The following DNER variants were observed in gnomAD, a reference collection of about 807,000 sequenced individuals.
DNER encodes delta and Notch-like epidermal growth factor-related receptor.
In DNER, 33 loss-of-function variants were observed where a neutral mutation model predicts 78.2. That is an observed-to-expected ratio of 0.42 (90% CI 0.32 to 0.56). The LOEUF is 0.56. DNER is among the 20% of genes least tolerant of loss of function. DNER has a pLI of 0.11. For synonymous variants in DNER, 417 were observed against 384.8 expected, an observed-to-expected ratio of 1.08 and a Z score of -0.98; for missense variants, 918 against 975.3, an observed-to-expected ratio of 0.94 and a Z score of 0.78.
chr2:229,453,937 A>AG (rs1347498234), intron 7 of DNER, among the ~76,000 whole-genome samples: 5 of 150,222 alleles, frequency 3.3e-5, no homozygotes, highest in South Asian at 2.1e-4. Context: ...AAAAAAAAAA[A>AG]AAAAAGAAAG....
intron 5 of DNER, among the ~76,000 whole-genome samples, chr2:229,529,805 C>T (rs190886851): frequency 2.0e-5 from 3 of 152,234 alleles, no homozygotes; most frequent in Admixed American, 6.5e-5. Flanking sequence ...CCCAGAAGTT[C>T]GAGACCAGCC....
At chr2:229,384,647 A>G (rs1197169776) in intron 11 of DNER, among the ~76,000 whole-genome samples, 1 of 152,204 alleles carries the variant, frequency 6.6e-6, no homozygotes. Flanking sequence ...ATGCAAATAA[A>G]CTAGAAAATC....
At chr2:229,481,899 T>C (rs12464761) in intron 6 of DNER, among the ~76,000 whole-genome samples, 19,015 of 152,180 alleles carry the variant, frequency 0.12, 1,333 homozygotes, top group South Asian at 0.2. Flanking sequence ...CTAGCATGCA[T>C]ACACAACAGG....
chr2:229,523,445 C>T (rs1431024596), intron 5 of DNER, among the ~76,000 whole-genome samples: 2 of 152,202 alleles, frequency 1.3e-5, no homozygotes. Flanking sequence ...CCGTGGCCAT[C>T]TCCTCCCCGT....
At chr2:229,691,947 G>T (rs181582817) in intron 1 of DNER, among the ~76,000 whole-genome samples, 53 of 152,110 alleles carry the variant, frequency 3.5e-4, no homozygotes, top group African/African-American at 1.1e-3. Context: ...CCCTAGGGTT[G>T]CTGGCAATAT....
intron 4 of DNER, among the ~76,000 whole-genome samples, chr2:229,574,791 TTC>T (rs1205962619): frequency 1.3e-5 from 2 of 152,198 alleles, no homozygotes; most frequent in Non-Finnish European, 2.9e-5. Flanking sequence ...CCTGCTCTCC[TTC>T]TCTTTCTTCC....
At chr2:229,649,749 C>T (rs1698778503) in intron 1 of DNER, among the ~76,000 whole-genome samples, 1 of 152,202 alleles carries the variant, frequency 6.6e-6, no homozygotes, top group Non-Finnish European at 1.5e-5. Context: ...TTCTTAACTC[C>T]TCTCCTGCTA....
intron 4 of DNER, among the ~76,000 whole-genome samples, chr2:229,560,971 A>G (rs1194454977): frequency 6.6e-6 from 1 of 152,182 alleles, no homozygotes; most frequent in Non-Finnish European, 1.5e-5. Flanking sequence ...GCCTGGTCAC[A>G]CCAACTATCC....
intron 1 of DNER, among the ~76,000 whole-genome samples, chr2:229,598,035 T>C (rs960325016): frequency 2.0e-5 from 3 of 152,170 alleles, no homozygotes; most frequent in African/African-American, 7.2e-5. Context: ...CCCATGTTTC[T>C]GGCAATTCCC....
At chr2:229,496,551 AC>A (rs1695506985) in intron 6 of DNER, among the ~76,000 whole-genome samples, 1 of 152,192 alleles carries the variant, frequency 6.6e-6, no homozygotes. Context: ...TATGATGCCT[AC>A]CAGAGATTCA....
intron 3 of DNER, 69 bp downstream of exon 3, chr2:229,588,325 G>A (rs572255645): frequency 5.3e-5 from 77 of 1,451,760 alleles, no homozygotes; most frequent in African/African-American, 1.3e-4. Flanking sequence ...CCAGGTCCGC[G>A]GATGGACACA....
chr2:229,501,111 G>T (rs1695612328), intron 6 of DNER, among the ~76,000 whole-genome samples: 1 of 151,998 alleles, frequency 6.6e-6, no homozygotes, highest in Admixed American at 6.6e-5. Flanking sequence ...TAGAGAGAAT[G>T]GTGATTACCA....
intron 6 of DNER, among the ~76,000 whole-genome samples, chr2:229,485,509 G>T (rs561825396): frequency 1.3e-5 from 2 of 152,242 alleles, no homozygotes; most frequent in African/African-American, 2.4e-5. Context: ...AGAGAAGAGT[G>T]GCTAAGTTTG....
At chr2:229,411,710 G>C (rs528255529) in intron 9 of DNER, among the ~76,000 whole-genome samples, 1 of 152,140 alleles carries the variant, frequency 6.6e-6, no homozygotes, top group African/African-American at 2.4e-5. Context: ...CACATCACAT[G>C]TAACAACAAA....
chr2:229,413,609 C>G (rs1215382465), intron 9 of DNER, among the ~76,000 whole-genome samples: 1 of 151,508 alleles, frequency 6.6e-6, no homozygotes. Flanking sequence ...GTGTGAGCCA[C>G]CGCCCCCGGC....
intron 4 of DNER, among the ~76,000 whole-genome samples, chr2:229,568,776 G>A (rs555715148): frequency 1.3e-5 from 2 of 152,090 alleles, no homozygotes; most frequent in African/African-American, 4.8e-5. Flanking sequence ...TGCCCAGGCT[G>A]GCCTTAAACT....
chr2:229,646,376 T>C (rs897476681), intron 1 of DNER, among the ~76,000 whole-genome samples: 4 of 152,102 alleles, frequency 2.6e-5, no homozygotes, highest in African/African-American at 9.7e-5. Flanking sequence ...AATGCAAAAA[T>C]ATATAATGTT....
intron 1 of DNER, among the ~76,000 whole-genome samples, chr2:229,611,495 A>G (rs1698046834): frequency 3.3e-5 from 5 of 152,240 alleles, no homozygotes. Context: ...CAATTTTAGA[A>G]ATCTCAATAA....
chr2:229,661,964 C>T (rs1262211605), intron 1 of DNER, among the ~76,000 whole-genome samples: 2 of 152,134 alleles, frequency 1.3e-5, no homozygotes, highest in East Asian at 3.9e-4. Flanking sequence ...CAGCAGGCAG[C>T]CACAAGAAGG....
Sources: gnomAD v4.1 joint callset for allele counts (sites outside exome capture counted in the v4.1 genomes callset) on GRCh38, gnomAD v4.1.1 for gene constraint, MANE v1.5 for transcripts, NCBI Gene and HGNC (gene_info 2026-07-23, HGNC 2026-07-21) for gene names.